Variants in SIK3 observed in about 807,000 individuals in gnomAD.
SIK3 encodes serine/threonine-protein kinase SIK3.
A neutral mutation model predicts 144.2 loss-of-function variants in SIK3; 28 were observed. That is an observed-to-expected ratio of 0.19 (90% CI 0.14 to 0.27). The LOEUF is 0.27. Ranked by LOEUF, SIK3 falls within the 10% of genes least tolerant of loss-of-function variation. The pLI, the probability that SIK3 is intolerant of heterozygous loss-of-function variation, is 1.00. For synonymous variants in SIK3, 686 were observed against 676.3 expected, an observed-to-expected ratio of 1.01 and a Z score of -0.22; for missense variants, 1,319 against 1,776.0, an observed-to-expected ratio of 0.74 and a Z score of 4.62.
chr11:117,054,423 G>A (rs1813512662), intron 1 of SIK3, among the ~76,000 whole-genome samples: 1 of 152,162 alleles, frequency 6.6e-6, no homozygotes, highest in African/African-American at 2.4e-5. Flanking sequence ...TGGTGTAGTG[G>A]GCCTTGGAGG....
chr11:117,001,052 A>G (rs1275301028), intron 1 of SIK3, among the ~76,000 whole-genome samples: 1 of 152,254 alleles, frequency 6.6e-6, no homozygotes. Flanking sequence ...TAGGAACTAG[A>G]TTATAATATC....
intron 1 of SIK3, among the ~76,000 whole-genome samples, chr11:117,019,747 G>A (rs1951689148): frequency 6.6e-6 from 1 of 151,982 alleles, no homozygotes; most frequent in Admixed American, 6.6e-5. Flanking sequence ...CTGAGTAGCT[G>A]GGACTACAGG....
At chr11:116,944,370 G>T (rs1336537487) in intron 3 of SIK3, among the ~76,000 whole-genome samples, 1 of 152,140 alleles carries the variant, frequency 6.6e-6, no homozygotes, top group African/African-American at 2.4e-5. Context: ...GGTAGAGGCT[G>T]GATATACATT....
rs1942010295 is a variant in SIK3, at chr11:116,846,889, C to T, written c.3953-336G>A. Among the ~76,000 whole-genome samples the T allele has an allele frequency of 1.3e-5, 2 of 152,242 alleles. No individual in the cohort carries two copies. The highest frequency in any genetic ancestry group is 4.8e-5 in the African/African-American group (2 of 41,462). The stretch of plus-strand genomic sequence containing the variant: ...AAGAGTGAAAGGGAGAATAATTTTA[C>T]TGCCTGCAGGCACCCATTCCTGGGC... On this transcript the variant is annotated intron_variant, in intron 23 of 24. Coordinates refer to ENST00000445177, the MANE Select transcript of SIK3 (RefSeq NM_001366686.3). The surrounding 1 kb of genome is among the most constrained non-coding windows in gnomAD (Gnocchi z 4.1).
At chr11:116,927,137 T>C (rs751686919) in intron 4 of SIK3, 82 bp downstream of exon 4, 11 of 975,124 alleles carry the variant, frequency 1.1e-5, no homozygotes, top group East Asian at 5.4e-5. Context: ...TCTGAAGAGA[T>C]GGAAACAGAT....
intron 1 of SIK3, among the ~76,000 whole-genome samples, chr11:117,045,246 G>A (rs186569961): frequency 1.3e-5 from 2 of 152,316 alleles, no homozygotes; most frequent in Non-Finnish European, 2.9e-5. Flanking sequence ...AAGGACTTGT[G>A]AGAATGAGAG....
intron 6 of SIK3, among the ~76,000 whole-genome samples, chr11:116,891,441 C>A (rs72645459): frequency 0.14 from 21,283 of 152,184 alleles, 2,201 homozygotes; most frequent in East Asian, 0.52. Flanking sequence ...AATAGCAAGA[C>A]CCCATCTCTA....
At chr11:116,956,899 C>T (rs757916247) in intron 2 of SIK3, 49 bp downstream of exon 2, 7 of 1,185,532 alleles carry the variant, frequency 5.9e-6, no homozygotes, top group Admixed American at 5.2e-5. Context: ...GCCATACATA[C>T]AATATTCTGG....
chr11:117,070,443 C>CT (rs34756068), intron 1 of SIK3, among the ~76,000 whole-genome samples: 91,733 of 146,640 alleles, frequency 0.63, 30,963 homozygotes, highest in Non-Finnish European at 0.78. Flanking sequence ...TGAACAATAC[C>CT]TTTTTTTTTT....
chr11:116,961,418 T>A (rs2135420064), intron 1 of SIK3, among the ~76,000 whole-genome samples: 1 of 152,340 alleles, frequency 6.6e-6, no homozygotes, highest in South Asian at 2.1e-4. Context: ...GTTTTGAGAA[T>A]ATCTAAACAG....
chr11:116,986,529 C>T (rs563706399), intron 1 of SIK3, among the ~76,000 whole-genome samples: 2 of 152,184 alleles, frequency 1.3e-5, no homozygotes, highest in Non-Finnish European at 2.9e-5. Context: ...CAACAGATGA[C>T]TTAGCTTTGA....
In SIK3 at chr11:116,915,153, T is replaced by TGTGTGCGC. The variant is rs1555093371; in HGVS notation, c.616+12065_616+12066insGCGCACAC. Reference sequence around the variant, plus strand: ...GTGTGTGTGTGTGTGTGTGTGTGTGTGTGTGTGTATGTGTATTTTTTCTTT... The same window carrying TGTGTGCGC: ...GTGTGTGTGTGTGTGTGTGTGTGTGTGTGTGCGCGTGTGTGTATGTGTATTTTTTCTTT... On this transcript the variant is annotated intron_variant, in intron 4 of 24. Transcript: ENST00000445177. Among the ~76,000 whole-genome samples, 696 of 149,196 alleles carry TGTGTGCGC rather than the reference T, an allele frequency of 4.7e-3. 4 individuals are homozygous for TGTGTGCGC. The highest frequency in any genetic ancestry group is 0.016 in the African/African-American group (667 of 40,494).
chr11:117,084,290 A>C (rs1954914190), intron 1 of SIK3, among the ~76,000 whole-genome samples: 1 of 152,114 alleles, frequency 6.6e-6, no homozygotes, highest in Non-Finnish European at 1.5e-5. Flanking sequence ...TTTGAGATGG[A>C]GTCTCGCTCT....
intron 19 of SIK3, among the ~76,000 whole-genome samples, chr11:116,860,319 TG>T (rs1402286547): frequency 6.6e-6 from 1 of 151,944 alleles, no homozygotes. Context: ...TATTGGTGGC[TG>T]GGGGACCCCA....
intron 1 of SIK3, among the ~76,000 whole-genome samples, chr11:117,072,333 A>C (rs1019762269): frequency 3.3e-5 from 5 of 152,220 alleles, no homozygotes; most frequent in Non-Finnish European, 5.9e-5. Flanking sequence ...AATTGCAGTG[A>C]GCCCAGATCA....
chr11:116,937,005 C>T lies in SIK3; in HGVS notation c.455-9625G>A, dbSNP rs541245830. ...TGAAGCTAACCCTAACCTACTCACC[C>T]GCCCTAGAAAAACTGCTCCATAATT... On this transcript the variant is annotated intron_variant, in intron 3 of 24. Coordinates refer to ENST00000445177, the MANE Select transcript of SIK3 (RefSeq NM_001366686.3). Among the ~76,000 whole-genome samples the T allele has an allele frequency of 5.3e-5, 8 of 152,296 alleles. No individual in the cohort carries two copies. In the East Asian group the frequency reaches 9.6e-4, roughly 18 times the overall value.
intron 1 of SIK3, among the ~76,000 whole-genome samples, chr11:117,006,816 T>C (rs781191131): frequency 6.6e-6 from 1 of 152,174 alleles, no homozygotes; most frequent in Non-Finnish European, 1.5e-5. Context: ...CTGCTCTATT[T>C]TTCTCCCATA....
chr11:117,098,115 G>T, intron 1 of SIK3, 28 bp downstream of exon 1: 1 of 1,425,766 alleles, frequency 7.0e-7, no homozygotes. Context: ...GCCACGCTCC[G>T]ACTGCCGCCT....
chr11:116,854,943 G>A lies in SIK3; in HGVS notation c.3655+2867C>T, dbSNP rs117221732. Among the ~76,000 whole-genome samples the A allele has an allele frequency of 3.8e-3, 573 of 151,790 alleles. 2 individuals carry two copies. The highest frequency in any genetic ancestry group is 0.01 in the Middle Eastern group (3 of 294). ...CCGTCTCTACAAAAAAAAATTAGCC[G>A]GGTGCGGTAGTGCACACCTGTAATC... On this transcript the variant is annotated intron_variant, in intron 21 of 24. Transcript: ENST00000445177.
Sources: gnomAD v4.1 joint callset for allele counts (sites outside exome capture counted in the v4.1 genomes callset) on GRCh38, gnomAD v4.1.1 for gene constraint, Gnocchi (gnomAD v3.1) non-coding constraint, MANE v1.5 for transcripts, NCBI Gene and HGNC (gene_info 2026-07-23, HGNC 2026-07-21) for gene names.